The following AK9 variants were observed in gnomAD, a reference collection of about 807,000 sequenced individuals.
AK9 encodes adenylate kinase domain containing 1.
In AK9, 191 loss-of-function variants were observed where a neutral mutation model predicts 239.6. That is an observed-to-expected ratio of 0.80 (90% CI 0.71 to 0.90). The LOEUF (loss-of-function observed/expected upper bound fraction) is 0.90. Among genes scored for constraint, AK9 ranks in the 40% least tolerant of loss-of-function variants. AK9 has a pLI of 0.00. For missense variants in AK9, 1,995 were observed against 2,214.7 expected (o/e 0.90, Z 1.99); for synonymous variants, 689 against 721.0 (o/e 0.96, Z 0.71).
At chr6:109,638,214 T>C (rs1382337676) in intron 10 of AK9, among the ~76,000 whole-genome samples, 1 of 152,218 alleles carries the variant, frequency 6.6e-6, no homozygotes, top group African/African-American at 2.4e-5. Context: ...GCAGGTTTTA[T>C]AGATACTTTT....
At chr6:109,530,980 T>C (rs986454205) in intron 28 of AK9, among the ~76,000 whole-genome samples, 2 of 151,888 alleles carry the variant, frequency 1.3e-5, no homozygotes, top group African/African-American at 4.8e-5. Context: ...GTGGCGGAGG[T>C]TGCAATGAGC....
At chr6:109,599,705 G>A (rs1791628655) in intron 17 of AK9, among the ~76,000 whole-genome samples, 2 of 152,198 alleles carry the variant, frequency 1.3e-5, no homozygotes, top group Admixed American at 1.3e-4. Flanking sequence ...TCCTATCCAT[G>A]AGCATGGAAT....
intron 29 of AK9, among the ~76,000 whole-genome samples, chr6:109,525,482 C>T (rs1582837643): frequency 6.6e-6 from 1 of 152,152 alleles, no homozygotes. Context: ...AACAACAACC[C>T]CATTAAAAAA....
chr6:109,631,365 G>A (rs1185428849), intron 12 of AK9, among the ~76,000 whole-genome samples: 1 of 151,448 alleles, frequency 6.6e-6, no homozygotes, highest in Admixed American at 6.6e-5. Context: ...ACTAAAAATG[G>A]GCAAAACACT....
intron 8 of AK9, 50 bp from the exon 9 acceptor site, chr6:109,644,738 T>G: frequency 6.8e-7 from 1 of 1,467,808 alleles, no homozygotes; most frequent in African/African-American, 1.4e-5. Context: ...CTAGAAAAAC[T>G]GAATACAAGA....
rs1236871930 is a variant in AK9 at position 109,649,886 on chromosome 6, GAT to G, written c.760-5200_760-5199del. On this transcript the variant is annotated intron_variant, in intron 8 of 40. Coordinates refer to ENST00000424296, the MANE Select transcript of AK9 (RefSeq NM_001145128.3). ...AGTGTGGTACTGGTACCAAAACAGA[GAT>G]ATAGACCAATGGAACAGAACAGAGG... 1.3e-5 allele frequency among the ~76,000 whole-genome samples: 2 copies of G among 152,192 alleles called. 1 individual carries two copies. Among genetic ancestry groups the G allele is most frequent in the African/African-American group, 4.8e-5 (2 of 41,528 alleles).
intron 16 of AK9, 144 bp from the exon 17 acceptor site, chr6:109,610,657 T>TA: frequency 1.1e-6 from 1 of 936,630 alleles, no homozygotes; most frequent in Non-Finnish European, 1.5e-6. Flanking sequence ...GAGGGAGAAA[T>TA]AAGACTCTGG....
chr6:109,514,162 G>T, intron 32 of AK9, 62 bp downstream of exon 32: 1 of 1,433,258 alleles, frequency 7.0e-7, no homozygotes, highest in Non-Finnish European at 9.5e-7. Context: ...GACCTGCCAT[G>T]TGCATTGGGT....
At chr6:109,666,928 G>T (rs1177251738) in intron 5 of AK9, among the ~76,000 whole-genome samples, 1 of 152,188 alleles carries the variant, frequency 6.6e-6, no homozygotes, top group East Asian at 1.9e-4. Context: ...GGAATGCCCA[G>T]ACTGGGGCTA....
chr6:109,497,388 A>ACTC, intron 38 of AK9, 77 bp downstream of exon 38: 1 of 733,322 alleles, frequency 1.4e-6, no homozygotes. Context: ...TCTCTCTCAC[A>ACTC]CACTCCTCTC....
chr6:109,545,942 T>C lies in AK9; in HGVS notation c.3150A>G (p.Gln1050=), dbSNP rs1783499009. 1.9e-6 allele frequency: 3 copies of C among 1,614,094 alleles called. No homozygotes were observed. The African/African-American group carries it at 4.0e-5, about 22-fold the overall frequency. Residue 1050 remains glutamine, a synonymous_variant, in exon 26 of 41, where the codon CAA becomes CAG. Transcript: ENST00000424296. ...GCTCTTCAAGTTCTTGTTTGGCAGC[T>C]TGCTCGTTCTCAGAATCTTCCTCAA... ...PEFEEDSENE[Q]AAKQELEELA...
intron 24 of AK9, among the ~76,000 whole-genome samples, chr6:109,551,067 C>A (rs1784297593): frequency 6.6e-6 from 1 of 151,858 alleles, no homozygotes; most frequent in Non-Finnish European, 1.5e-5. Flanking sequence ...TATTTAGGCA[C>A]ATATATAGTA....
At chr6:109,677,537 A>G (rs187495833) in intron 1 of AK9, among the ~76,000 whole-genome samples, 124 of 152,046 alleles carry the variant, frequency 8.2e-4, no homozygotes, top group African/African-American at 2.9e-3. Flanking sequence ...TGTGTGTGTG[A>G]TGTGTGTGTG....
chr6:109,594,485 C>A (rs1790740122), intron 17 of AK9, among the ~76,000 whole-genome samples: 1 of 152,204 alleles, frequency 6.6e-6, no homozygotes, highest in Non-Finnish European at 1.5e-5. Context: ...CTACCATTGA[C>A]TTTCTTCACA....
chr6:109,548,617 A>C (rs1582950967), intron 25 of AK9, among the ~76,000 whole-genome samples: 1 of 152,364 alleles, frequency 6.6e-6, no homozygotes, highest in East Asian at 1.9e-4. Flanking sequence ...CTGATGATTA[A>C]CAGCAGAAAC....
intron 1 of AK9, 30 bp from the exon 2 acceptor site, chr6:109,675,786 T>C (rs535669937): frequency 7.4e-7 from 1 of 1,353,934 alleles, no homozygotes; most frequent in African/African-American, 1.5e-5. Flanking sequence ...GATTGTTAAC[T>C]TGTCTAATTT....
chr6:109,524,843 T>C (rs903456479), intron 29 of AK9, among the ~76,000 whole-genome samples: 1 of 152,150 alleles, frequency 6.6e-6, no homozygotes, highest in Non-Finnish European at 1.5e-5. Context: ...GCTAGACAGT[T>C]CTAAGGTTTT....
In AK9 at chr6:109,509,266, T is replaced by A; in HGVS notation, c.4394A>T (p.His1465Leu). ...ETELALMLNW[H>L]LHKGMTAPDE... ...AGGTGCTGTCATTCCTTTATGAAGA[T>A]GCCAATTTAACATAAGTGCCAGCTC... Residue 1465 changes from histidine (H) to leucine (L), a missense_variant, in exon 33 of 41, where the codon CAT (histidine) becomes CTT (leucine). By Grantham distance (99) the His-to-Leu change is moderately conservative. Around this residue, in one of 5 missense-constraint regions of AK9, gnomAD observed 45 missense variants for 80.5 expected, o/e 0.56. Transcript: ENST00000424296. The A allele has an allele frequency of 6.4e-7, 1 of 1,552,032 alleles. No homozygotes were observed.
At chr6:109,683,454 A>G (rs912768940) in intron 1 of AK9, among the ~76,000 whole-genome samples, 8 of 152,246 alleles carry the variant, frequency 5.3e-5, no homozygotes, top group African/African-American at 1.9e-4. Flanking sequence ...AGAGGAAGTC[A>G]AATTGTCTCT....
Sources: allele counts gnomAD v4.1 joint callset (sites outside exome capture counted in the v4.1 genomes callset), GRCh38; gene constraint gnomAD v4.1.1; regional missense constraint gnomAD v4.1.1; transcripts MANE v1.5; gene names NCBI Gene and HGNC (gene_info 2026-07-23, HGNC 2026-07-21).